The following FAT4 variants were observed in gnomAD, a reference collection of about 807,000 sequenced individuals.
FAT4 encodes protocadherin Fat 4.
In FAT4, 84 loss-of-function variants were observed where a neutral mutation model predicts 303.9. That is an observed-to-expected ratio of 0.28 (90% confidence interval 0.23 to 0.33). FAT4 has a LOEUF of 0.33. FAT4 is among the 10% of genes least tolerant of loss of function. The pLI is 1.00. For synonymous variants in FAT4, 2,307 were observed against 2,298.8 expected (o/e 1.00, Z -0.10); for missense variants, 6,005 against 6,146.8 (o/e 0.98, Z 0.77).
intron 7 of FAT4, among the ~76,000 whole-genome samples, chr4:125,419,915 A>G (rs1735219790): frequency 6.6e-6 from 1 of 152,206 alleles, no homozygotes; most frequent in African/African-American, 2.4e-5. Context: ...ATGCCAACCA[A>G]TCAATCAGGC....
chr4:125,357,726 T>A (rs1351813120), intron 2 of FAT4, among the ~76,000 whole-genome samples: 2 of 152,164 alleles, frequency 1.3e-5, no homozygotes, highest in Non-Finnish European at 2.9e-5. Context: ...ACTGCTGGCA[T>A]GTGCTTTGTG....
intron 2 of FAT4, among the ~76,000 whole-genome samples, chr4:125,348,959 G>C: frequency 6.6e-6 from 1 of 151,734 alleles, no homozygotes; most frequent in Non-Finnish European, 1.5e-5. Flanking sequence ...AAATCAGGAA[G>C]ATTAGAAACT....
intron 8 of FAT4, among the ~76,000 whole-genome samples, chr4:125,435,699 A>G (rs1461563057): frequency 1.3e-5 from 2 of 152,120 alleles, no homozygotes; most frequent in African/African-American, 4.8e-5. Flanking sequence ...GTGAGAAAGG[A>G]GTCAGAGAGG....
chr4:125,319,444 G>C lies in FAT4; in HGVS notation c.3033G>C (p.Val1011=), dbSNP rs1425037205. ...YEVTLSESEP[V]NSRFFKVQAS... ...TCACCCTTTCTGAGTCAGAACCTGT[G>C]AATTCTCGATTCTTTAAAGTACAAG... The change falls in exon 2 of 18, where the codon GTG becomes GTC. Residue 1011 remains valine (V), a synonymous_variant. Coordinates refer to ENST00000394329, the MANE Select transcript of FAT4 (RefSeq NM_001291303.3). The C allele has an allele frequency of 6.2e-7, 1 of 1,613,800 alleles. No individual in the cohort carries two copies.
intron 2 of FAT4, among the ~76,000 whole-genome samples, chr4:125,356,450 C>G (rs1732426539): frequency 6.6e-6 from 1 of 151,242 alleles, no homozygotes; most frequent in African/African-American, 2.4e-5. Context: ...ATTTATTTGA[C>G]TAGCTAAAGA....
intron 10 of FAT4, among the ~76,000 whole-genome samples, chr4:125,456,813 TA>T (rs1726296517): frequency 6.6e-6 from 1 of 152,138 alleles, no homozygotes; most frequent in African/African-American, 2.4e-5. Flanking sequence ...AATTTACACA[TA>T]ACTGTATGTG....
chr4:125,464,068 CT>C (rs1726573743), intron 11 of FAT4, among the ~76,000 whole-genome samples: 1 of 151,866 alleles, frequency 6.6e-6, no homozygotes, highest in Non-Finnish European at 1.5e-5. Flanking sequence ...GTGAATTTTG[CT>C]TTATTTTTTA....
Position 125,315,599 on chromosome 4 carries a change from C to T in FAT4, c.-391C>T, listed in dbSNP as rs1057514094. Among the ~76,000 whole-genome samples, 2 of 152,148 alleles carry T rather than the reference C, an allele frequency of 1.3e-5. No individual in the cohort carries two copies. The highest frequency in any genetic ancestry group is 2.4e-5 in the African/African-American group (1 of 41,442). On this transcript the variant is annotated 5_prime_UTR_variant, in exon 1 of 18. Coordinates refer to ENST00000394329, the MANE Select transcript of FAT4 (RefSeq NM_001291303.3). ...GCGCCCCGGCAGAGGTGAAAAATGC[C>T]GAGGAGCCCTGGCTGTTGTTTGTGC...
intron 14 of FAT4, among the ~76,000 whole-genome samples, chr4:125,478,156 AC>A (rs762840819): frequency 2.1e-4 from 32 of 152,238 alleles, no homozygotes; most frequent in Non-Finnish European, 4.6e-4. Flanking sequence ...CAGAAATAAA[AC>A]TATTAAAGGC....
At chr4:125,436,690 G>C (rs1473997863) in intron 8 of FAT4, among the ~76,000 whole-genome samples, 1 of 152,116 alleles carries the variant, frequency 6.6e-6, no homozygotes, top group African/African-American at 2.4e-5. Flanking sequence ...GTCTTACATG[G>C]TAGCAGGCAA....
chr4:125,385,025 T>TA (rs1491325760), intron 2 of FAT4, among the ~76,000 whole-genome samples: 1,421 of 52,312 alleles, frequency 0.027, 19 homozygotes, highest in African/African-American at 0.068. Context: ...TATATATATA[T>TA]TTTTTTTTTT....
At chr4:125,328,011 T>C (rs914417036) in intron 2 of FAT4, among the ~76,000 whole-genome samples, 1 of 152,150 alleles carries the variant, frequency 6.6e-6, no homozygotes, top group African/African-American at 2.4e-5. Flanking sequence ...CAGCGCTTTA[T>C]AAAACCCATA....
At chr4:125,452,849 C>A in intron 10 of FAT4, 39 bp downstream of exon 10, 2 of 1,542,798 alleles carry the variant, frequency 1.3e-6, no homozygotes, top group Non-Finnish European at 1.7e-6. Flanking sequence ...AAGACTTTAG[C>A]CATGTCAAGT....
intron 2 of FAT4, among the ~76,000 whole-genome samples, chr4:125,372,190 A>C (rs1733141269): frequency 6.6e-6 from 1 of 151,952 alleles, no homozygotes; most frequent in African/African-American, 2.4e-5. Flanking sequence ...CCACCAAAAA[A>C]AAGAAAAAAG....
intron 2 of FAT4, among the ~76,000 whole-genome samples, chr4:125,386,912 A>G (rs1463448296): frequency 1.3e-5 from 2 of 152,102 alleles, no homozygotes; most frequent in Non-Finnish European, 2.9e-5. Context: ...TTTTCCACAT[A>G]CTGGGTGGGA....
At chr4:125,367,599 A>G (rs1732933024) in intron 2 of FAT4, among the ~76,000 whole-genome samples, 1 of 152,120 alleles carries the variant, frequency 6.6e-6, no homozygotes, top group South Asian at 2.1e-4. Context: ...AGGTTGGGGG[A>G]AAAAATAACA....
chr4:125,414,787 A>G, intron 5 of FAT4, 97 bp from the exon 6 acceptor site: 1 of 750,676 alleles, frequency 1.3e-6, no homozygotes, highest in South Asian at 1.8e-5. Flanking sequence ...GATGCACGGC[A>G]TATCAAACAT....
At position 125,317,587 on chromosome 4, in the gene FAT4, G is replaced by C. The variant is rs770483717; in HGVS notation, c.1176G>C (p.Gly392=). 9.9e-6 allele frequency: 16 copies of C among 1,613,884 alleles called. No individual in the cohort carries two copies. In the South Asian group the frequency reaches 1.3e-4, roughly 13 times the overall value. The change falls in exon 2 of 18, where the codon GGG becomes GGC. Residue 392 remains glycine, a synonymous_variant. Coordinates refer to ENST00000394329, the MANE Select transcript of FAT4 (RefSeq NM_001291303.3). The surrounding 1 kb of genome is among the most constrained non-coding windows in gnomAD (Gnocchi z 7.0). ...VTDADSPAAN[G]NISVQILGGN... ...ACGCAGATTCTCCCGCGGCCAACGG[G>C]AACATCTCCGTGCAAATTCTCGGGG...
At chr4:125,348,014 T>G (rs2125975136) in intron 2 of FAT4, among the ~76,000 whole-genome samples, 1 of 151,802 alleles carries the variant, frequency 6.6e-6, no homozygotes, top group South Asian at 2.1e-4. Context: ...CTAGAAAAAA[T>G]CATAAGGTTT....
Sources: gnomAD v4.1 joint callset for allele counts (sites outside exome capture counted in the v4.1 genomes callset) on GRCh38, gnomAD v4.1.1 for gene constraint, Gnocchi (gnomAD v3.1) non-coding constraint, MANE v1.5 for transcripts, NCBI Gene and HGNC (gene_info 2026-07-23, HGNC 2026-07-21) for gene names.